FAM185A: variants seen among roughly 807,000 people sequenced by gnomAD.
FAM185A encodes protein FAM185A.
FAM185A carries 21 observed loss-of-function variants against 45.7 expected under a neutral mutation model. The observed-to-expected ratio is 0.46, with a 90% CI of 0.33 to 0.66. The LOEUF is 0.66. Among genes scored for constraint, FAM185A ranks in the 30% least tolerant of loss-of-function variants. FAM185A has a pLI of 0.03. For missense variants in FAM185A, 305 were observed against 485.4 expected, an observed-to-expected ratio of 0.63 and a Z score of 3.49; for synonymous variants, 117 against 194.0, an observed-to-expected ratio of 0.60 and a Z score of 3.30.
At chr7:102,800,307 CTG>C (rs1470818618) in intron 7 of FAM185A, among the ~76,000 whole-genome samples, 1 of 152,222 alleles carries the variant, frequency 6.6e-6, no homozygotes, top group Non-Finnish European at 1.5e-5. Flanking sequence ...AACCAGAAAA[CTG>C]TGTTGGTTTT....
intron 4 of FAM185A, among the ~76,000 whole-genome samples, chr7:102,767,824 GTCCTCTT>G (rs2129435564): frequency 6.7e-6 from 1 of 148,352 alleles, no homozygotes; most frequent in South Asian, 2.2e-4. Flanking sequence ...TCTGTAATGT[GTCCTCTT>G]TCCTTGTTTT....
chr7:102,753,796 A>G (rs1168289359), intron 2 of FAM185A, among the ~76,000 whole-genome samples: 3 of 152,212 alleles, frequency 2.0e-5, no homozygotes, highest in African/African-American at 7.2e-5. Flanking sequence ...TTTCAGGTTT[A>G]TAAAAGTCCA....
At chr7:102,807,376 C>T (rs1400582737) in intron 7 of FAM185A, among the ~76,000 whole-genome samples, 1 of 152,068 alleles carries the variant, frequency 6.6e-6, no homozygotes, top group Non-Finnish European at 1.5e-5. Flanking sequence ...CAGTTATACT[C>T]CAGTAAAGCT....
chr7:102,828,969 G>A, the FAM185A span, among the ~76,000 whole-genome samples: 1 of 152,154 alleles, frequency 6.6e-6, no homozygotes, highest in African/African-American at 2.4e-5. Context: ...AATAACTATA[G>A]AATGTGCTGG....
chr7:102,830,023 G>T, the FAM185A span, among the ~76,000 whole-genome samples: 3 of 152,110 alleles, frequency 2.0e-5, no homozygotes, highest in Non-Finnish European at 4.4e-5. Flanking sequence ...CTACTCCTTT[G>T]TATCAGCGTT....
chr7:102,843,078 A>G, the FAM185A span, among the ~76,000 whole-genome samples: 1 of 152,296 alleles, frequency 6.6e-6, no homozygotes, highest in Admixed American at 6.5e-5. Flanking sequence ...AATTTTTAAA[A>G]TCGAAAGTTT....
At chr7:102,828,523 A>ACTC in the FAM185A span, among the ~76,000 whole-genome samples, 2 of 151,960 alleles carry the variant, frequency 1.3e-5, no homozygotes, top group African/African-American at 4.8e-5. Context: ...CAAATCTCTT[A>ACTC]CTCCTCTCCC....
the FAM185A span, among the ~76,000 whole-genome samples, chr7:102,842,081 A>G: frequency 4.6e-5 from 7 of 152,350 alleles, no homozygotes; most frequent in Non-Finnish European, 4.4e-5. Context: ...AACCTGGAGT[A>G]TTGGATGAGA....
chr7:102,757,361 G>C (rs1035372408), intron 2 of FAM185A, among the ~76,000 whole-genome samples: 1 of 152,124 alleles, frequency 6.6e-6, no homozygotes, highest in Non-Finnish European at 1.5e-5. Flanking sequence ...CTGAATCTTG[G>C]CATTCTTCCT....
At chr7:102,824,173 C>T in the FAM185A span, among the ~76,000 whole-genome samples, 34,049 of 152,098 alleles carry the variant, frequency 0.22, 4,575 homozygotes, top group East Asian at 0.59. Flanking sequence ...CAGATGGAAA[C>T]AACTTTGCTG....
At chr7:102,842,451 C>CTTTTGA in the FAM185A span, among the ~76,000 whole-genome samples, 1 of 152,230 alleles carries the variant, frequency 6.6e-6, no homozygotes, top group Admixed American at 6.5e-5. Flanking sequence ...CCAAAATCAA[C>CTTTTGA]TTTGGTTGAG....
chr7:102,826,769 A>ATATATATG, the FAM185A span, among the ~76,000 whole-genome samples: 851 of 100,580 alleles, frequency 8.5e-3, 45 homozygotes, highest in Middle Eastern at 0.016. Flanking sequence ...ATATATATAT[A>ATATATATG]TATGTATATA....
chr7:102,764,996 C>T (rs1192703669), intron 4 of FAM185A, among the ~76,000 whole-genome samples: 2 of 152,220 alleles, frequency 1.3e-5, no homozygotes, highest in Admixed American at 6.5e-5. Context: ...AATTGGCCAG[C>T]CCCTTTTACT....
the FAM185A span, among the ~76,000 whole-genome samples, chr7:102,817,551 T>A: frequency 6.6e-6 from 1 of 152,188 alleles, no homozygotes; most frequent in African/African-American, 2.4e-5. Context: ...CCATTATCTT[T>A]ACTCTGTTGA....
downstream of FAM185A, chr7:102,813,666 G>A: frequency 1.2e-6 from 1 of 839,936 alleles, no homozygotes; most frequent in Middle Eastern, 3.4e-4. Context: ...TTGCCTTGCT[G>A]AGAGTGAGGA....
downstream of FAM185A, among the ~76,000 whole-genome samples, chr7:102,812,896 G>T (rs1797520695): frequency 7.2e-6 from 1 of 139,834 alleles, no homozygotes; most frequent in Non-Finnish European, 1.5e-5. Context: ...AGGCTGGAAT[G>T]CAGTGACGTG....
At chr7:102,847,568 C>G in the FAM185A span, among the ~76,000 whole-genome samples, 1 of 151,902 alleles carries the variant, frequency 6.6e-6, no homozygotes, top group Non-Finnish European at 1.5e-5. Flanking sequence ...TTTCTGTCGC[C>G]CAGGCTGGAG....
Position 102,787,316 on chromosome 7 carries a change from T to C in FAM185A, c.932-19T>C. The stretch of plus-strand genomic sequence containing the variant: ...TTGATTTCTTTATATTACTAAGCTC[T>C]CCATTATATTTATTACAGGTTCTAT... On this transcript the variant is annotated intron_variant, in intron 6 of 7. Coordinates refer to ENST00000413034, the MANE Select transcript of FAM185A (RefSeq NM_001145268.2). 4 of 1,390,280 alleles carry C rather than the reference T, an allele frequency of 2.9e-6. No homozygotes were observed. Among genetic ancestry groups the C allele is most frequent in the African/African-American group, 1.5e-5 (1 of 68,508 alleles). 86.1% of individuals were successfully genotyped at this position (1,390,280 alleles called of 1,614,324 possible). A position where few individuals can be genotyped will look rare whatever the true frequency, so the allele number is the denominator to read the frequency against.
the FAM185A span, among the ~76,000 whole-genome samples, chr7:102,840,850 C>G: frequency 6.6e-6 from 1 of 151,984 alleles, no homozygotes; most frequent in African/African-American, 2.4e-5. Flanking sequence ...TCTCATAGGC[C>G]TATTAGAAGA....
Sources: gnomAD v4.1 joint callset for allele counts (sites outside exome capture counted in the v4.1 genomes callset) on GRCh38, gnomAD v4.1.1 for gene constraint, MANE v1.5 for transcripts, NCBI Gene and HGNC (gene_info 2026-07-23, HGNC 2026-07-21) for gene names.